Variants in TUBGCP4 observed in about 807,000 individuals in gnomAD.
TUBGCP4 encodes gamma-tubulin complex component 4.
A neutral mutation model predicts 91.6 loss-of-function variants in TUBGCP4; 54 were observed. The ratio of observed to expected loss-of-function variants is 0.59; its 90% CI spans 0.47 to 0.74. The LOEUF (loss-of-function observed/expected upper bound fraction) is 0.74. TUBGCP4 is among the 30% of genes least tolerant of loss of function. The pLI, the probability that TUBGCP4 is intolerant of heterozygous loss-of-function variation, is 0.00. For synonymous variants in TUBGCP4, 297 were observed against 302.8 expected (o/e 0.98, Z 0.20); for missense variants, 593 against 800.9 (o/e 0.74, Z 3.13).
In TUBGCP4 at chr15:43,407,152, A is replaced by T; in HGVS notation, c.*1938A>T. On this transcript the variant is annotated 3_prime_UTR_variant, in exon 18 of 18. Coordinates refer to ENST00000564079, the MANE Select transcript of TUBGCP4 (RefSeq NM_014444.5). Reference sequence around the variant, plus strand: ...TAAGCCTGTTGAAAGACTCAGAGAAAGTACTATGTCTTGTCATTTGTTCTG... The same window carrying T: ...TAAGCCTGTTGAAAGACTCAGAGAATGTACTATGTCTTGTCATTTGTTCTG... 2.1e-6 allele frequency: 1 copy of T among 476,732 alleles called. No individual in the cohort carries two copies. Among genetic ancestry groups the T allele is most frequent in the Non-Finnish European group, 3.8e-6 (1 of 265,520 alleles). The allele number at this position is 476,732 out of a possible 1,614,324, so 29.5% of individuals were successfully genotyped here. A position where few individuals can be genotyped will look rare whatever the true frequency, so the allele number is the denominator to read the frequency against.
chr15:43,408,587 TGAG>T lies in TUBGCP4; in HGVS notation c.*3374_*3376del, dbSNP rs1240897241. On this transcript the variant is annotated 3_prime_UTR_variant, in exon 18 of 18. Transcript: ENST00000564079. The stretch of plus-strand genomic sequence containing the variant: ...CTAATTTCCATGTTTGTTCTGGGGC[TGAG>T]AATAATCCAAATCATGCTCCTGAGC... 2.9e-6 allele frequency: 1 copy of T among 347,946 alleles called. No individual in the cohort carries two copies. The highest frequency in any genetic ancestry group is 5.4e-6 in the Non-Finnish European group (1 of 186,372). 21.6% of individuals were successfully genotyped at this position (347,946 alleles called of 1,614,324 possible).
intron 2 of TUBGCP4, 53 bp downstream of exon 2, chr15:43,376,279 A>G (rs1201938105): frequency 1.2e-6 from 2 of 1,609,488 alleles, no homozygotes; most frequent in Admixed American, 1.7e-5. Context: ...AGCTATGTCA[A>G]GCTTTCACCT....
chr15:43,395,817 G>C (rs1173689839), intron 11 of TUBGCP4, 129 bp downstream of exon 11: 4 of 718,968 alleles, frequency 5.6e-6, no homozygotes, highest in Admixed American at 4.4e-5. Flanking sequence ...GTGGCTTCCA[G>C]AGATGGAAGG....
rs2044115654 is a variant in TUBGCP4 at position 43,371,324 on chromosome 15, CATAA to C, written c.-30_-27del. The C allele has an allele frequency of 9.3e-6, 15 of 1,608,484 alleles. No individual in the cohort carries two copies. The highest frequency in any genetic ancestry group is 2.7e-5 in the African/African-American group (2 of 74,874). On this transcript the variant is annotated 5_prime_UTR_variant, in exon 1 of 18. Transcript: ENST00000564079. Reference sequence around the variant, plus strand: ...GGAGGTGCGCTGGAGGAGGGGGTGACATAACCAGGGACTCGAGGTCCGCCGTGGG... The same window carrying C: ...GGAGGTGCGCTGGAGGAGGGGGTGACCCAGGGACTCGAGGTCCGCCGTGGG...
At chr15:43,375,162 C>T (rs531866409) in intron 1 of TUBGCP4, among the ~76,000 whole-genome samples, 6 of 152,350 alleles carry the variant, frequency 3.9e-5, no homozygotes, top group Admixed American at 2.0e-4. Context: ...CTCGGCCTCC[C>T]GAAATGCTGG....
At chr15:43,394,923 G>T (rs1282254660) in intron 9 of TUBGCP4, 184 bp from the exon 10 acceptor site, 6 of 643,668 alleles carry the variant, frequency 9.3e-6, no homozygotes, top group Non-Finnish European at 1.6e-5. Flanking sequence ...TAATTACCCA[G>T]TCTAAGGTAT....
intron 6 of TUBGCP4, among the ~76,000 whole-genome samples, chr15:43,380,698 ATAT>A (rs2044273420): frequency 6.6e-6 from 1 of 152,226 alleles, no homozygotes; most frequent in Non-Finnish European, 1.5e-5. Context: ...AAATGATGAT[ATAT>A]TCACTTGATA....
Position 43,383,291 on chromosome 15 carries a change from T to G in TUBGCP4, c.522-12T>G. 6.2e-7 allele frequency: 1 copy of G among 1,608,516 alleles called. No homozygotes were observed. The highest frequency in any genetic ancestry group is 1.1e-5 in the South Asian group (1 of 90,056). On this transcript the variant is annotated splice_polypyrimidine_tract_variant and intron_variant, in intron 6 of 17. Transcript: ENST00000564079. ...CATGACTTCTGAGCCTCTTACTTTC[T>G]ACTCTGCCCAGAATCCTGGCCGTTT... is the stretch of plus-strand genomic sequence containing the variant.
At chr15:43,377,629 G>C in intron 4 of TUBGCP4, 1 of 361,042 alleles carries the variant, frequency 2.8e-6, no homozygotes, top group Non-Finnish European at 4.6e-6. Flanking sequence ...AAAAAAAAAA[G>C]AAAAAAGAAA....
chr15:43,399,208 T>G, intron 13 of TUBGCP4: 1 of 1,151,706 alleles, frequency 8.7e-7, no homozygotes, highest in Non-Finnish European at 1.1e-6. Flanking sequence ...GAATCAGCTG[T>G]TCTTCCCGTG....
intron 1 of TUBGCP4, among the ~76,000 whole-genome samples, chr15:43,372,139 A>G (rs188371660): frequency 8.5e-5 from 13 of 152,188 alleles, no homozygotes; most frequent in Admixed American, 2.6e-4. Flanking sequence ...GCTTCCAGTA[A>G]TGTTATCTAA....
At position 43,406,557 on chromosome 15, in the gene TUBGCP4, A is replaced by T. The variant is rs564748503; in HGVS notation, c.*1343A>T. The T allele has an allele frequency of 7.2e-5, 33 of 455,762 alleles. No individual in the cohort carries two copies. In the East Asian group the frequency reaches 2.3e-3, roughly 32 times the overall value. The allele number at this position is 455,762 out of a possible 1,614,324, so 28.2% of individuals were successfully genotyped here. On this transcript the variant is annotated 3_prime_UTR_variant, in exon 18 of 18. Coordinates refer to ENST00000564079, the MANE Select transcript of TUBGCP4 (RefSeq NM_014444.5). The stretch of plus-strand genomic sequence containing the variant: ...AAGGCGAGTAGTTGTGATGGATCAA[A>T]TGGCCCACAAAGCCTGAAATATTTA...
intron 9 of TUBGCP4, among the ~76,000 whole-genome samples, chr15:43,393,553 G>A (rs577646927): frequency 3.3e-5 from 5 of 151,830 alleles, no homozygotes; most frequent in South Asian, 2.1e-4. Context: ...CCATTAACTC[G>A]TTATTTAGCA....
chr15:43,404,648 A>G (rs1227055857), intron 17 of TUBGCP4, 96 bp downstream of exon 17: 5 of 1,325,894 alleles, frequency 3.8e-6, no homozygotes, highest in Non-Finnish European at 5.2e-6. Flanking sequence ...TAGTCCAAAT[A>G]CCCTCATTTT....
At chr15:43,376,801 T>C (rs556252600) in intron 3 of TUBGCP4, among the ~76,000 whole-genome samples, 176 bp downstream of exon 3, 1 of 152,346 alleles carries the variant, frequency 6.6e-6, no homozygotes, top group Admixed American at 6.5e-5. Context: ...GGCTTACAGA[T>C]CATGGCAAAG....
intron 9 of TUBGCP4, among the ~76,000 whole-genome samples, chr15:43,391,156 A>T (rs1412183204): frequency 1.3e-5 from 2 of 151,638 alleles, no homozygotes; most frequent in Non-Finnish European, 2.9e-5. Context: ...CAGCCTTCCA[A>T]AGTACAGGGA....
chr15:43,386,377 A>ATATATATTTTTTT (rs1555394852), intron 9 of TUBGCP4, 47 bp downstream of exon 9: 1 of 19,102 alleles, frequency 5.2e-5, no homozygotes, highest in African/African-American at 3.0e-4. Context: ...ATATATATAT[A>ATATATATTTTTTT]TTTTTTTTTT....
rs1027025689 is a variant in TUBGCP4, at chr15:43,406,711, A to C, written c.*1497A>C. 2.3e-6 allele frequency: 1 copy of C among 429,378 alleles called. No homozygotes were observed. The highest frequency in any genetic ancestry group is 4.6e-6 in the Non-Finnish European group (1 of 217,926). 26.6% of individuals were successfully genotyped at this position (429,378 alleles called of 1,614,324 possible). A position where few individuals can be genotyped will look rare whatever the true frequency, so the allele number is the denominator to read the frequency against. On this transcript the variant is annotated 3_prime_UTR_variant, in exon 18 of 18. Coordinates refer to ENST00000564079, the MANE Select transcript of TUBGCP4 (RefSeq NM_014444.5). ...AGCTATTGTGACAATAATAATAATA[A>C]TAATATTGGGTCTTTGACTAGAACG...
chr15:43,399,932 T>G (rs2044641521), intron 13 of TUBGCP4, 112 bp from the exon 14 acceptor site: 2 of 654,566 alleles, frequency 3.1e-6, no homozygotes. Flanking sequence ...CACTCTTTCC[T>G]TACTGCCTGT....
Sources: gnomAD v4.1 joint callset for allele counts (sites outside exome capture counted in the v4.1 genomes callset) on GRCh38, gnomAD v4.1.1 for gene constraint, MANE v1.5 for transcripts, NCBI Gene and HGNC (gene_info 2026-07-23, HGNC 2026-07-21) for gene names.